The following PTPN13 variants were observed in gnomAD, a reference collection of about 807,000 sequenced individuals.
PTPN13 encodes the protein tyrosine-protein phosphatase non-receptor type 13.
PTPN13 carries 191 observed loss-of-function variants against 284.0 expected under a neutral mutation model. That is an observed-to-expected ratio of 0.67 (90% CI 0.60 to 0.76). The LOEUF (loss-of-function observed/expected upper bound fraction) is 0.76, where lower values mean the gene tolerates loss of function less well. Among genes scored for constraint, PTPN13 ranks in the 30% least tolerant of loss-of-function variants. The probability of loss-of-function intolerance (pLI) is 0.00; values close to 1 mark genes in which losing one functional copy is unlikely to be tolerated. For synonymous variants in PTPN13, 986 were observed against 1,022.3 expected, an observed-to-expected ratio of 0.96 and a Z score of 0.68; for missense variants, 2,797 against 2,939.9, an observed-to-expected ratio of 0.95 and a Z score of 1.12.
intron 19 of PTPN13, among the ~76,000 whole-genome samples, chr4:86,752,515 T>TA (rs1737511709): frequency 6.6e-6 from 1 of 152,190 alleles, no homozygotes; most frequent in Non-Finnish European, 1.5e-5. Flanking sequence ...TTTTAGGAAA[T>TA]ACTTTTCAAA....
chr4:86,698,289 G>A (rs1045748029), intron 6 of PTPN13, among the ~76,000 whole-genome samples: 3 of 152,130 alleles, frequency 2.0e-5, no homozygotes, highest in Non-Finnish European at 4.4e-5. Context: ...GCCACTTATT[G>A]TAATAGGAAA....
chr4:86,807,151 T>C (rs1375736583), intron 44 of PTPN13, among the ~76,000 whole-genome samples: 1 of 152,188 alleles, frequency 6.6e-6, no homozygotes, highest in Non-Finnish European at 1.5e-5. Context: ...GAAAAATTTT[T>C]TGGCATTGCC....
intron 40 of PTPN13, among the ~76,000 whole-genome samples, chr4:86,795,637 C>T (rs1743251001): frequency 6.6e-6 from 1 of 152,102 alleles, no homozygotes; most frequent in Non-Finnish European, 1.5e-5. Flanking sequence ...ATGAAACCAA[C>T]CCAAATGTCC....
At chr4:86,721,082 T>A (rs1733602003) in intron 9 of PTPN13, among the ~76,000 whole-genome samples, 1 of 151,990 alleles carries the variant, frequency 6.6e-6, no homozygotes, top group Admixed American at 6.6e-5. Context: ...TTTTTGTTTT[T>A]GATTTTTGTC....
At chr4:86,644,283 TAC>T (rs1408849588) in intron 2 of PTPN13, among the ~76,000 whole-genome samples, 2 of 152,092 alleles carry the variant, frequency 1.3e-5, no homozygotes, top group African/African-American at 4.8e-5. Context: ...AGGTGTGTGC[TAC>T]CACGCTCGGC....
At chr4:86,662,001 A>C (rs1396782757) in intron 2 of PTPN13, among the ~76,000 whole-genome samples, 1 of 152,252 alleles carries the variant, frequency 6.6e-6, no homozygotes, top group African/African-American at 2.4e-5. Context: ...AAAATAAAAA[A>C]AAATTTAAAA....
chr4:86,630,453 A>G (rs148832612), intron 1 of PTPN13, among the ~76,000 whole-genome samples: 69 of 152,240 alleles, frequency 4.5e-4, no homozygotes, highest in African/African-American at 1.6e-3. Flanking sequence ...TAACTCACCT[A>G]TTTCTCCTAG....
chr4:86,599,203 T>C (rs1223038657), intron 1 of PTPN13, among the ~76,000 whole-genome samples: 1 of 152,238 alleles, frequency 6.6e-6, no homozygotes, highest in East Asian at 1.9e-4. Context: ...TTCTAGACTC[T>C]ACTAGAATAG....
At chr4:86,663,144 G>A (rs1376241686) in intron 2 of PTPN13, among the ~76,000 whole-genome samples, 2 of 152,244 alleles carry the variant, frequency 1.3e-5, no homozygotes, top group Non-Finnish European at 2.9e-5. Context: ...TAATTAAGTG[G>A]TGTAGGGGAA....
intron 40 of PTPN13, among the ~76,000 whole-genome samples, chr4:86,793,435 G>A (rs1565594309): frequency 6.6e-6 from 1 of 152,106 alleles, no homozygotes; most frequent in Non-Finnish European, 1.5e-5. Context: ...GTCAATATTA[G>A]ACAGGTCAAC....
chr4:86,735,686 C>T lies in PTPN13; in HGVS notation c.2244C>T (p.Pro748=), dbSNP rs1199139002. ...TATCCTATATCAAAGAAGAGTTACCCAAATTGCATAATACCTATGTGGGAG... is the reference window on the plus strand; with the variant it reads ...TATCCTATATCAAAGAAGAGTTACCTAAATTGCATAATACCTATGTGGGAG... The part of the protein sequence containing the change: ...LDLSYIKEEL[P]KLHNTYVGAS... Residue 748 remains proline (P), a synonymous_variant, in exon 15 of 48, where the codon CCC becomes CCT. Transcript: ENST00000411767. 6.2e-7 allele frequency: 1 copy of T among 1,613,322 alleles called. No individual in the cohort carries two copies. The highest frequency in any genetic ancestry group is 1.7e-5 in the Admixed American group (1 of 59,936).
Position 86,750,723 on chromosome 4 carries a change from A to C in PTPN13, c.2904A>C (p.Lys968Asn). The change falls in exon 18 of 48, where the codon AAA (lysine) becomes AAC (asparagine). Residue 968 changes from lysine (K) to asparagine (N), a missense_variant. Transcript: ENST00000411767. Reference sequence around the variant, plus strand: ...AGGAAAAGCCTAGAGAGATGAGTAAATCATACCATGATCTCAGTCAGGCCT... The same window carrying C: ...AGGAAAAGCCTAGAGAGATGAGTAACTCATACCATGATCTCAGTCAGGCCT... ...SWEEKPREMS[K>N]SYHDLSQASL... is the part of the protein sequence containing the mutation. 2 of 1,613,790 alleles carry C rather than the reference A, an allele frequency of 1.2e-6. No homozygotes were observed. Among genetic ancestry groups the C allele is most frequent in the Non-Finnish European group, 1.7e-6 (2 of 1,179,800 alleles).
chr4:86,737,902 A>G (rs113638982), intron 15 of PTPN13, among the ~76,000 whole-genome samples: 198 of 151,892 alleles, frequency 1.3e-3, no homozygotes, highest in African/African-American at 4.6e-3. Context: ...CTAATTTTTT[A>G]TATTTTTAGC....
intron 7 of PTPN13, among the ~76,000 whole-genome samples, chr4:86,710,061 G>T (rs1389541598): frequency 6.6e-6 from 1 of 152,024 alleles, no homozygotes; most frequent in Non-Finnish European, 1.5e-5. Context: ...AAACACAAAA[G>T]GTACAGTCGC....
At chr4:86,595,080 A>G (rs893878081) in intron 1 of PTPN13, among the ~76,000 whole-genome samples, 3 of 152,094 alleles carry the variant, frequency 2.0e-5, no homozygotes, top group Admixed American at 2.0e-4. Context: ...AATGAAACCC[A>G]CAGGGGGAGT....
intron 6 of PTPN13, among the ~76,000 whole-genome samples, chr4:86,699,877 G>A (rs1386112237): frequency 6.6e-5 from 10 of 152,052 alleles, no homozygotes; most frequent in Admixed American, 1.3e-4. Flanking sequence ...CTAAAATACT[G>A]TAACACAGAC....
In PTPN13 at chr4:86,758,312, C is replaced by A; in HGVS notation, c.3276C>A (p.Thr1092=). The change falls in exon 21 of 48, where the codon ACC becomes ACA. Residue 1092 remains threonine, a synonymous_variant. Coordinates refer to ENST00000411767, the MANE Select transcript of PTPN13 (RefSeq NM_080683.3). The part of the protein sequence containing the change: ...SIVSSPEREI[T]LVNLKKDAKY... ...TATCTTCACCAGAAAGGGAGATCAC[C>A]TTAGTGAACCTGAAAAAAGATGCAA... 1 of 1,611,902 alleles carries A rather than the reference C, an allele frequency of 6.2e-7. No individual in the cohort carries two copies. The highest frequency in any genetic ancestry group is 8.5e-7 in the Non-Finnish European group (1 of 1,178,748).
In PTPN13 at chr4:86,727,075, T is replaced by A. The variant is rs1165943175; in HGVS notation, c.1608+4641T>A. Among the ~76,000 whole-genome samples, 5 of 149,784 alleles carry A rather than the reference T, an allele frequency of 3.3e-5. No homozygotes were observed. The East Asian group carries it at 9.6e-4, about 29-fold the overall frequency. On this transcript the variant is annotated intron_variant, in intron 10 of 47. Coordinates refer to ENST00000411767, the MANE Select transcript of PTPN13 (RefSeq NM_080683.3). ...TTCTGCATCTATTGAGATAATCATGTGGTTTTTGTAGTTGTTTCTGTTTAT... is the reference window on the plus strand; with the variant it reads ...TTCTGCATCTATTGAGATAATCATGAGGTTTTTGTAGTTGTTTCTGTTTAT...
intron 3 of PTPN13, among the ~76,000 whole-genome samples, chr4:86,673,570 T>G (rs1252392746): frequency 6.6e-6 from 1 of 152,210 alleles, no homozygotes; most frequent in African/African-American, 2.4e-5. Context: ...ACTTGAGGCT[T>G]TCTTCTTAGG....
Sources: allele counts gnomAD v4.1 joint callset (sites outside exome capture counted in the v4.1 genomes callset), GRCh38; gene constraint gnomAD v4.1.1; transcripts MANE v1.5; gene names NCBI Gene and HGNC (gene_info 2026-07-23, HGNC 2026-07-21).